The following GATAD2B variants were observed in gnomAD, a reference collection of about 807,000 sequenced individuals.
GATAD2B encodes transcriptional repressor p66-beta.
A neutral mutation model predicts 64.3 loss-of-function variants in GATAD2B; 8 were observed. The observed-to-expected ratio is 0.12, with a 90% confidence interval of 0.07 to 0.22. GATAD2B has a LOEUF of 0.22. GATAD2B is among the 10% of genes least tolerant of loss of function. The pLI, the probability that GATAD2B is intolerant of heterozygous loss-of-function variation, is 1.00. For synonymous variants in GATAD2B, 281 were observed against 271.3 expected (o/e 1.04, Z -0.35); for missense variants, 453 against 752.0 (o/e 0.60, Z 4.65).
At chr1:153,890,354 G>A (rs1363590381) in intron 1 of GATAD2B, among the ~76,000 whole-genome samples, 4 of 150,784 alleles carry the variant, frequency 2.7e-5, no homozygotes, top group African/African-American at 7.3e-5. Context: ...CGGACGTGGT[G>A]GCACGCACCT....
At chr1:153,818,644 TAA>T in intron 4 of GATAD2B, 145 bp downstream of exon 4, 10 of 624,962 alleles carry the variant, frequency 1.6e-5, no homozygotes, top group Non-Finnish European at 2.4e-5. Flanking sequence ...GGCCTAAGAT[TAA>T]AAAAAAAATC....
intron 1 of GATAD2B, among the ~76,000 whole-genome samples, chr1:153,885,461 C>T (rs1677149377): frequency 6.6e-6 from 1 of 152,078 alleles, no homozygotes; most frequent in African/African-American, 2.4e-5. Context: ...GTGGCTCACA[C>T]TTGCAATCCT....
At position 153,872,475 on chromosome 1, in the gene GATAD2B, A is replaced by G. The variant is rs377465853; in HGVS notation, c.-1-44127T>C. Reference sequence around the variant, plus strand: ...CTCTCACCAAATCTGATTTTGTCACATAATATATTGGTCATGTGAAAACTT... The same window carrying G: ...CTCTCACCAAATCTGATTTTGTCACGTAATATATTGGTCATGTGAAAACTT... On this transcript the variant is annotated intron_variant, in intron 1 of 10. Transcript: ENST00000368655. Among the ~76,000 whole-genome samples the G allele has an allele frequency of 3.9e-5, 6 of 151,944 alleles. No individual in the cohort carries two copies. In the South Asian group the frequency reaches 6.2e-4, roughly 16 times the overall value.
At chr1:153,851,483 G>A (rs757184140) in intron 1 of GATAD2B, among the ~76,000 whole-genome samples, 2 of 152,122 alleles carry the variant, frequency 1.3e-5, no homozygotes, top group African/African-American at 4.8e-5. Flanking sequence ...TGACAGGTGT[G>A]AAGTGATGAT....
At chr1:153,906,634 AG>A (rs1677945889) in intron 1 of GATAD2B, among the ~76,000 whole-genome samples, 1 of 152,182 alleles carries the variant, frequency 6.6e-6, no homozygotes, top group African/African-American at 2.4e-5. Flanking sequence ...CAGGCAAAAA[AG>A]GAAAAAAAAA....
chr1:153,820,540 A>G (rs998780398), intron 2 of GATAD2B, among the ~76,000 whole-genome samples: 2 of 152,166 alleles, frequency 1.3e-5, no homozygotes, highest in African/African-American at 4.8e-5. Context: ...ATTCTCCTCT[A>G]ATTTCAAAGA....
intron 1 of GATAD2B, among the ~76,000 whole-genome samples, chr1:153,841,408 C>T (rs1232910125): frequency 1.3e-5 from 2 of 152,132 alleles, no homozygotes; most frequent in African/African-American, 4.8e-5. Flanking sequence ...AAGGAGCCCT[C>T]GTGTTAACTG....
At chr1:153,867,067 C>T (rs1028855646) in intron 1 of GATAD2B, among the ~76,000 whole-genome samples, 2 of 152,032 alleles carry the variant, frequency 1.3e-5, no homozygotes, top group East Asian at 1.9e-4. Flanking sequence ...CTCAAGCCAC[C>T]GCCACCTGGC....
At chr1:153,892,439 A>G (rs1169842304) in intron 1 of GATAD2B, among the ~76,000 whole-genome samples, 1 of 152,128 alleles carries the variant, frequency 6.6e-6, no homozygotes, top group African/African-American at 2.4e-5. Flanking sequence ...ACTGATAAGT[A>G]AAGGGGTCTT....
chr1:153,826,528 T>G (rs1201819150), intron 2 of GATAD2B, among the ~76,000 whole-genome samples: 1 of 151,230 alleles, frequency 6.6e-6, no homozygotes, highest in East Asian at 2.0e-4. Context: ...CTTAGGGGAG[T>G]AGAGAGGCAA....
chr1:153,821,390 G>T (rs566826297), intron 2 of GATAD2B, among the ~76,000 whole-genome samples: 1 of 152,300 alleles, frequency 6.6e-6, no homozygotes, highest in Admixed American at 6.5e-5. Context: ...TAAGGAAATA[G>T]AATAGGAGGA....
chr1:153,856,151 C>G (rs1237074937), intron 1 of GATAD2B, among the ~76,000 whole-genome samples: 1 of 152,204 alleles, frequency 6.6e-6, no homozygotes, highest in Non-Finnish European at 1.5e-5. Flanking sequence ...CTTTAGGACC[C>G]TTATGATTAT....
chr1:153,830,454 T>TTTTTATTTTA (rs71093291), intron 1 of GATAD2B, among the ~76,000 whole-genome samples: 13 of 133,220 alleles, frequency 9.8e-5, no homozygotes, highest in African/African-American at 3.0e-4. Context: ...CCTGTTTTTA[T>TTTTTATTTTA]TTTTATTTTA....
At chr1:153,845,948 C>A (rs1191079936) in intron 1 of GATAD2B, among the ~76,000 whole-genome samples, 4 of 144,404 alleles carry the variant, frequency 2.8e-5, no homozygotes, top group Admixed American at 6.9e-5. Context: ...ACTACCGCCC[C>A]CCCCCCGCCC....
At chr1:153,897,272 G>T (rs1332323564) in intron 1 of GATAD2B, among the ~76,000 whole-genome samples, 1 of 151,972 alleles carries the variant, frequency 6.6e-6, no homozygotes, top group Non-Finnish European at 1.5e-5. Flanking sequence ...CTCGTGATCC[G>T]CCCACCTCGG....
Position 153,823,260 on chromosome 1 carries a change from G to A in GATAD2B, c.336-3525C>T, listed in dbSNP as rs140998231. Among the ~76,000 whole-genome samples the A allele has an allele frequency of 1.9e-3, 289 of 152,292 alleles. 2 individuals are homozygous for A. The highest frequency in any genetic ancestry group is 6.6e-3 in the African/African-American group (273 of 41,576). On this transcript the variant is annotated intron_variant, in intron 2 of 10. Transcript: ENST00000368655. Reference sequence around the variant, plus strand: ...GATATTATTAAAAGACCCACTTGGTGTGACATCACTTGTGACTTAGTCTGG... The same window carrying A: ...GATATTATTAAAAGACCCACTTGGTATGACATCACTTGTGACTTAGTCTGG...
rs1315390309 is a variant in GATAD2B, at chr1:153,808,872, T to C, written c.*1305A>G. 6.6e-6 allele frequency: 1 copy of C among 151,810 alleles called. No homozygotes were observed. The highest frequency in any genetic ancestry group is 2.4e-5 in the African/African-American group (1 of 41,168). The allele number at this position is 151,810 out of a possible 1,614,324, so 9.4% of individuals were successfully genotyped here. A position where few individuals can be genotyped will look rare whatever the true frequency, so the allele number is the denominator to read the frequency against. On this transcript the variant is annotated 3_prime_UTR_variant, in exon 11 of 11. Transcript: ENST00000368655. ...GGCGGGGGGCAGTGGGAAGCAACTA[T>C]TTGTACAGCAGAGGTCCTAAGCTGG... is the stretch of plus-strand genomic sequence containing the variant.
In GATAD2B at chr1:153,817,525, A is replaced by C. The variant is rs764456274; in HGVS notation, c.747T>G (p.Arg249=). 3.6e-5 allele frequency: 58 copies of C among 1,603,002 alleles called. No individual in the cohort carries two copies. The highest frequency in any genetic ancestry group is 1.7e-4 in the Middle Eastern group (1 of 6,030). ...LRTLQGHSVI[R]SATNTTLPHM... ...GTGGAAGGGTGGTATTGGTAGCTGAACGGATGACACTGTGACCCTGGAGGG... is the reference window on the plus strand; with the variant it reads ...GTGGAAGGGTGGTATTGGTAGCTGACCGGATGACACTGTGACCCTGGAGGG... The change falls in exon 6 of 11, where the codon CGT becomes CGG. Residue 249 remains arginine (R), a synonymous_variant. Coordinates refer to ENST00000368655, the MANE Select transcript of GATAD2B (RefSeq NM_020699.4).
intron 2 of GATAD2B, among the ~76,000 whole-genome samples, chr1:153,821,213 G>C (rs2101884820): frequency 6.6e-6 from 1 of 151,850 alleles, no homozygotes; most frequent in South Asian, 2.1e-4. Context: ...TGAATTCCTG[G>C]GTTCAAGTGA....
Sources: gnomAD v4.1 joint callset for allele counts (sites outside exome capture counted in the v4.1 genomes callset) on GRCh38, gnomAD v4.1.1 for gene constraint, MANE v1.5 for transcripts, NCBI Gene and HGNC (gene_info 2026-07-23, HGNC 2026-07-21) for gene names.